The following FCHO1 variants were observed in gnomAD, a reference collection of about 807,000 sequenced individuals.
FCHO1 encodes the protein F-BAR domain only protein 1.
Under a neutral mutation model 114.4 loss-of-function variants are expected in FCHO1, and 45 were observed. The ratio of observed to expected loss-of-function variants is 0.39; its 90% CI spans 0.31 to 0.50. The LOEUF is 0.50. Ranked by LOEUF, FCHO1 falls within the 20% of genes least tolerant of loss-of-function variation. The probability of loss-of-function intolerance (pLI) is 0.77; values close to 1 mark genes in which losing one functional copy is unlikely to be tolerated. For missense variants in FCHO1, 1,042 were observed against 1,209.6 expected, an observed-to-expected ratio of 0.86 and a Z score of 2.06; for synonymous variants, 480 against 488.9, an observed-to-expected ratio of 0.98 and a Z score of 0.24.
rs374582760 is a variant in FCHO1, at chr19:17,766,780, C to A, written c.306C>A (p.Tyr102Ter). Residue 102 changes from tyrosine to a stop codon, truncating the protein, a stop_gained, in exon 7 of 29, where the codon TAC becomes TAA. Coordinates refer to ENST00000596536, the MANE Select transcript of FCHO1 (RefSeq NM_015122.3). LOFTEE classifies it high-confidence loss of function. ...ATCTCATCAAGGACGTTCTCCGCTA[C>A]GGCGAGGAACAGCTCAAGACCCACA... The part of the protein sequence containing the change: ...LQDLIKDVLR[Y>*]GEEQLKTHKK... 6.2e-7 allele frequency: 1 copy of A among 1,614,016 alleles called. No individual in the cohort carries two copies. Among genetic ancestry groups the A allele is most frequent in the Non-Finnish European group, 8.5e-7 (1 of 1,180,014 alleles).
chr19:17,774,686 T>G, intron 13 of FCHO1: 1 of 594,222 alleles, frequency 1.7e-6, no homozygotes, highest in Non-Finnish European at 3.0e-6. Context: ...CCAGAATTCT[T>G]CCTTTTGCTA....
At chr19:17,786,486 TCA>T in intron 26 of FCHO1, 86 bp from the exon 27 acceptor site, 1 of 1,366,154 alleles carries the variant, frequency 7.3e-7, no homozygotes, top group African/African-American at 1.4e-5. Flanking sequence ...TTTGTTGGGG[TCA>T]CACAGCCAGG....
rs10666882 is a variant in FCHO1, at chr19:17,762,293, C to CTTT, written c.28-457_28-455dup. On this transcript the variant is annotated intron_variant, in intron 4 of 28. Transcript: ENST00000596536. ...GAGCCACCGTGCCCAGCTCAACACA[C>CTTT]TTTTTTTTTTTTTTAAATATAAAAG... Among the ~76,000 whole-genome samples the CTTT allele has an allele frequency of 1.4e-3, 211 of 146,822 alleles. 2 individuals carry two copies. Among genetic ancestry groups the CTTT allele is most frequent in the East Asian group, 2.8e-3 (14 of 5,046 alleles).
At chr19:17,753,511 C>T (rs1291003745) in intron 1 of FCHO1, among the ~76,000 whole-genome samples, 2 of 152,186 alleles carry the variant, frequency 1.3e-5, no homozygotes, top group Admixed American at 6.6e-5. Context: ...AGCTCTGTCT[C>T]TCTAGACTGG....
At chr19:17,778,263 G>C (rs2092902305) in intron 19 of FCHO1, 35 bp downstream of exon 19, 1 of 1,559,182 alleles carries the variant, frequency 6.4e-7, no homozygotes, top group Admixed American at 1.7e-5. Context: ...GCATGGGTGT[G>C]GCCGGAGGGA....
intron 7 of FCHO1, among the ~76,000 whole-genome samples, chr19:17,769,684 G>A (rs886886508): frequency 1.1e-4 from 16 of 151,920 alleles, no homozygotes; most frequent in Non-Finnish European, 1.5e-5. Flanking sequence ...TAAAACTTGG[G>A]TTAGAACAAG....
intron 1 of FCHO1, among the ~76,000 whole-genome samples, chr19:17,753,975 C>T (rs994652974): frequency 9.9e-5 from 15 of 152,218 alleles, no homozygotes; most frequent in African/African-American, 2.7e-4. Context: ...CCTAAACTAA[C>T]TTTCAAGATT....
At chr19:17,762,074 C>T (rs1048593840) in intron 4 of FCHO1, among the ~76,000 whole-genome samples, 2 of 151,634 alleles carry the variant, frequency 1.3e-5, no homozygotes, top group Admixed American at 1.3e-4. Flanking sequence ...CAACCTCTGC[C>T]TCCTGGGCTC....
At chr19:17,767,381 G>T (rs1486696802) in intron 7 of FCHO1, among the ~76,000 whole-genome samples, 1 of 118,130 alleles carries the variant, frequency 8.5e-6, no homozygotes, top group Non-Finnish European at 1.7e-5. Flanking sequence ...AACATAGGGA[G>T]ACCCCATCTT....
chr19:17,783,063 G>A lies in FCHO1; in HGVS notation c.1984G>A (p.Gly662Ser). Residue 662 changes from glycine to serine, a missense_variant, in exon 24 of 29, where the codon GGC (glycine) becomes AGC (serine). By Grantham distance (56) the Gly-to-Ser change is moderately conservative. Around this residue, in one of 3 missense-constraint regions of FCHO1, gnomAD observed 455 missense variants for 455.4 expected, o/e 1.00. Coordinates refer to ENST00000596536, the MANE Select transcript of FCHO1 (RefSeq NM_015122.3). ...TGELTMTFPA[G>S]IVRVFSGTPP... ...GGAGCTGACCATGACCTTCCCTGCT[G>A]GCATCGTGCGTGTGTTCAGCGGGAC... The A allele has an allele frequency of 6.2e-7, 1 of 1,614,120 alleles. No homozygotes were observed. The highest frequency in any genetic ancestry group is 8.5e-7 in the Non-Finnish European group (1 of 1,180,020).
At chr19:17,759,072 A>T (rs1224516520) in intron 4 of FCHO1, among the ~76,000 whole-genome samples, 1 of 152,050 alleles carries the variant, frequency 6.6e-6, no homozygotes, top group East Asian at 1.9e-4. Context: ...ATTTATGGAA[A>T]ACCCGCCAAA....
At chr19:17,768,925 A>C (rs2090409946) in intron 7 of FCHO1, among the ~76,000 whole-genome samples, 1 of 149,660 alleles carries the variant, frequency 6.7e-6, no homozygotes, top group African/African-American at 2.5e-5. Context: ...GAGGTGTGAG[A>C]ATTGCTTGAG....
chr19:17,748,653 C>T (rs1764822464), upstream of FCHO1, among the ~76,000 whole-genome samples: 1 of 152,276 alleles, frequency 6.6e-6, no homozygotes, highest in Non-Finnish European at 1.5e-5. Flanking sequence ...TGGGGGACCC[C>T]TCCATCTGCC....
Position 17,755,104 on chromosome 19 carries a change from G to C in FCHO1, c.-47-14G>C. 1.3e-6 allele frequency: 2 copies of C among 1,551,998 alleles called. No individual in the cohort carries two copies. Among genetic ancestry groups the C allele is most frequent in the Non-Finnish European group, 1.8e-6 (2 of 1,123,506 alleles). ...GGCAATGACTCTGTAGCTCAAACTT[G>C]CCTCTCTCTTCAGACAGGCACTGGA... is the stretch of plus-strand genomic sequence containing the variant. On this transcript the variant is annotated splice_polypyrimidine_tract_variant and intron_variant, in intron 3 of 28. Coordinates refer to ENST00000596536, the MANE Select transcript of FCHO1 (RefSeq NM_015122.3).
intron 6 of FCHO1, 143 bp from the exon 7 acceptor site, chr19:17,766,526 C>G (rs1009783016): frequency 8.9e-7 from 1 of 1,123,132 alleles, no homozygotes. Flanking sequence ...CCGCCTCTTA[C>G]AGCTGCCATG....
intron 4 of FCHO1, 84 bp from the exon 5 acceptor site, chr19:17,762,678 T>C: frequency 1.0e-6 from 1 of 973,522 alleles, no homozygotes; most frequent in East Asian, 2.4e-5. Flanking sequence ...GGGATGGACT[T>C]CTGCTCCTTG....
Position 17,776,812 on chromosome 19 carries a change from TG to T in FCHO1, c.1259+127del. On this transcript the variant is annotated intron_variant, in intron 18 of 28. Coordinates refer to ENST00000596536, the MANE Select transcript of FCHO1 (RefSeq NM_015122.3). This position sits in a 1 kb window ranked among gnomAD's most constrained non-coding sequence, Gnocchi z 4.4. ...CGTCATGCTGGGGTTTTTTTGTTTT[TG>T]TTTTTGTTTTGAGACAGAGTCTCAC... The T allele has an allele frequency of 1.1e-6, 1 of 914,684 alleles. No individual in the cohort carries two copies. Among genetic ancestry groups the T allele is most frequent in the Non-Finnish European group, 1.7e-6 (1 of 602,398 alleles). The allele number at this position is 914,684 out of a possible 1,614,324, so 56.7% of individuals were successfully genotyped here.
Position 17,776,320 on chromosome 19 carries a change from G to C in FCHO1, c.1207+49G>C. ...GTGGGGAGGATCCTAAGGAAGGGAGGCTATGGGTTTGGGCTTGAATCATAA... is the reference window on the plus strand; with the variant it reads ...GTGGGGAGGATCCTAAGGAAGGGAGCCTATGGGTTTGGGCTTGAATCATAA... On this transcript the variant is annotated intron_variant, in intron 17 of 28. Transcript: ENST00000596536. This position sits in a 1 kb window ranked among gnomAD's most constrained non-coding sequence, Gnocchi z 4.4. 1 of 1,610,926 alleles carries C rather than the reference G, an allele frequency of 6.2e-7. No individual in the cohort carries two copies. Among genetic ancestry groups the C allele is most frequent in the Non-Finnish European group, 8.5e-7 (1 of 1,177,120 alleles).
At chr19:17,763,519 C>T (rs2087293618) in intron 5 of FCHO1, among the ~76,000 whole-genome samples, 1 of 151,180 alleles carries the variant, frequency 6.6e-6, no homozygotes, top group Admixed American at 6.6e-5. Flanking sequence ...CCGCCTCAGC[C>T]TCCAAAAGTG....
Sources: allele counts gnomAD v4.1 joint callset (sites outside exome capture counted in the v4.1 genomes callset), GRCh38; gene constraint gnomAD v4.1.1; regional missense constraint gnomAD v4.1.1; non-coding constraint Gnocchi (gnomAD v3.1); transcripts MANE v1.5; gene names NCBI Gene and HGNC (gene_info 2026-07-23, HGNC 2026-07-21).